ARFGEF3: variants seen among roughly 807,000 people sequenced by gnomAD.
ARFGEF3 encodes the protein brefeldin A-inhibited guanine nucleotide-exchange protein 3.
In ARFGEF3, 96 loss-of-function variants were observed where a neutral mutation model predicts 221.7. The ratio of observed to expected loss-of-function variants is 0.43; its 90% confidence interval spans 0.37 to 0.51. The LOEUF (loss-of-function observed/expected upper bound fraction) is 0.51. ARFGEF3 is among the 20% of genes least tolerant of loss of function. The pLI is 0.00. For missense variants in ARFGEF3, 2,410 were observed against 2,789.9 expected, an observed-to-expected ratio of 0.86 and a Z score of 3.07; for synonymous variants, 1,145 against 1,126.8, an observed-to-expected ratio of 1.02 and a Z score of -0.32.
At chr6:138,237,253 TG>T (rs566220252) in intron 5 of ARFGEF3, among the ~76,000 whole-genome samples, 166 of 152,310 alleles carry the variant, frequency 1.1e-3, no homozygotes, top group African/African-American at 3.5e-3. Context: ...AAATTAAATT[TG>T]CCATGTAGGT....
chr6:138,166,134 G>C (rs1410479819), intron 1 of ARFGEF3, among the ~76,000 whole-genome samples: 1 of 152,208 alleles, frequency 6.6e-6, no homozygotes, highest in Non-Finnish European at 1.5e-5. Context: ...TTAGCACAGG[G>C]ACTGCCGTTT....
At chr6:138,243,019 T>G (rs760899196) in intron 7 of ARFGEF3, 25 bp downstream of exon 7, 3 of 1,601,396 alleles carry the variant, frequency 1.9e-6, no homozygotes, top group Non-Finnish European at 2.6e-6. Flanking sequence ...TTGTACTAGT[T>G]CAGTTTTTAA....
At position 138,261,409 on chromosome 6, in the gene ARFGEF3, T is replaced by G. The variant is rs541901286; in HGVS notation, c.1105-118T>G. ...TGGAAGTTCCAAATAATTCTGTTTC[T>G]CCTTATACTATATCACTCAGTAGGG... On this transcript the variant is annotated intron_variant, in intron 10 of 33. Coordinates refer to ENST00000251691, the MANE Select transcript of ARFGEF3 (RefSeq NM_020340.5). 60 of 547,106 alleles carry G rather than the reference T, an allele frequency of 1.1e-4. No homozygotes were observed. In the Middle Eastern group the frequency reaches 1.4e-3, roughly 13 times the overall value. The allele number at this position is 547,106 out of a possible 1,614,324, so 33.9% of individuals were successfully genotyped here.
chr6:138,265,484 C>T (rs891175433), intron 12 of ARFGEF3, among the ~76,000 whole-genome samples: 8 of 152,026 alleles, frequency 5.3e-5, no homozygotes, highest in Admixed American at 3.3e-4. Flanking sequence ...ACAAAATTCA[C>T]GTTTTATTGG....
chr6:138,243,672 A>G (rs576454161), intron 7 of ARFGEF3, among the ~76,000 whole-genome samples: 3 of 152,094 alleles, frequency 2.0e-5, no homozygotes, highest in Non-Finnish European at 4.4e-5. Flanking sequence ...TTTCTATTAT[A>G]TGTGCCAGTT....
chr6:138,228,172 A>ATTTTTT (rs549915422), intron 4 of ARFGEF3, among the ~76,000 whole-genome samples: 5 of 106,434 alleles, frequency 4.7e-5, no homozygotes, highest in Non-Finnish European at 9.2e-5. Context: ...CACTGAGACA[A>ATTTTTT]TTTTTTTTTT....
rs1778622415 is a variant in ARFGEF3, at chr6:138,253,783, T to A, written c.666-97T>A. 8.6e-6 allele frequency: 8 copies of A among 929,774 alleles called. No individual in the cohort carries two copies. In the Admixed American group the frequency reaches 1.7e-4, roughly 20 times the overall value. The allele number at this position is 929,774 out of a possible 1,614,324, so 57.6% of individuals were successfully genotyped here. The stretch of plus-strand genomic sequence containing the variant: ...CGTCCCCCTAAAACTAGCACTTTAG[T>A]AACGCCTACCATTTTTCCGAGCGTG... On this transcript the variant is annotated intron_variant, in intron 8 of 33. Coordinates refer to ENST00000251691, the MANE Select transcript of ARFGEF3 (RefSeq NM_020340.5).
chr6:138,180,539 C>A (rs1174611330), intron 2 of ARFGEF3, among the ~76,000 whole-genome samples: 1 of 152,066 alleles, frequency 6.6e-6, no homozygotes, highest in Non-Finnish European at 1.5e-5. Flanking sequence ...ACAAATGTAA[C>A]TGAGTTTTGG....
In ARFGEF3 at chr6:138,314,058, A is replaced by G. The variant is rs1562389223; in HGVS notation, c.4345+119A>G. 4.5e-5 allele frequency: 47 copies of G among 1,051,236 alleles called. No homozygotes were observed. In the South Asian group the frequency reaches 7.1e-4, roughly 16 times the overall value. 65.1% of individuals were successfully genotyped at this position (1,051,236 alleles called of 1,614,324 possible). ...TTGTCTTAGTCCATTTTGTGCTGCT[A>G]TAAGAGAATACTTGAGAGTGATAAA... is the stretch of plus-strand genomic sequence containing the variant. On this transcript the variant is annotated intron_variant, in intron 26 of 33. Transcript: ENST00000251691.
rs1173623517 is a variant in ARFGEF3, at chr6:138,162,196, G to A, written c.85+25G>A. ...GGTAAGCGTCCGGCACCTGCTCGCC[G>A]CGGCGGGAGGGCCGCGCGGCCGGGG... On this transcript the variant is annotated intron_variant, in intron 1 of 33. Transcript: ENST00000251691. This position sits in a 1 kb window ranked among gnomAD's most constrained non-coding sequence, Gnocchi z 4.7. The A allele has an allele frequency of 6.4e-7, 1 of 1,572,486 alleles. No individual in the cohort carries two copies. The highest frequency in any genetic ancestry group is 8.7e-7 in the Non-Finnish European group (1 of 1,154,242).
At chr6:138,206,779 G>A (rs1777630947) in intron 2 of ARFGEF3, among the ~76,000 whole-genome samples, 1 of 152,196 alleles carries the variant, frequency 6.6e-6, no homozygotes, top group African/African-American at 2.4e-5. Flanking sequence ...GTGTACTAAT[G>A]AGTGTACCAG....
chr6:138,291,911 G>A lies in ARFGEF3; in HGVS notation c.3226G>A (p.Ala1076Thr), dbSNP rs1224049235. 5 of 1,488,434 alleles carry A rather than the reference G, an allele frequency of 3.4e-6. No individual in the cohort carries two copies. Among genetic ancestry groups the A allele is most frequent in the Middle Eastern group, 3.5e-4 (2 of 5,698 alleles). 92.2% of individuals were successfully genotyped at this position (1,488,434 alleles called of 1,614,324 possible). A position where few individuals can be genotyped will look rare whatever the true frequency, so the allele number is the denominator to read the frequency against. Residue 1076 changes from alanine to threonine, a missense_variant, in exon 19 of 34, where the codon GCC (alanine) becomes ACC (threonine). By Grantham distance (58) the Ala-to-Thr change is moderately conservative. Coordinates refer to ENST00000251691, the MANE Select transcript of ARFGEF3 (RefSeq NM_020340.5). This position sits in a 1 kb window ranked among gnomAD's most constrained non-coding sequence, Gnocchi z 4.5. ...SPEQGRSLST[A>T]PVVQPLSIQD... ...GGAGCAGGGGCGCTCCCTGAGCACG[G>A]CCCCTGTCGTCCAGCCCCTGTCCAT...
intron 2 of ARFGEF3, among the ~76,000 whole-genome samples, chr6:138,177,515 G>T (rs1175819593): frequency 1.3e-5 from 2 of 152,090 alleles, no homozygotes; most frequent in African/African-American, 4.8e-5. Context: ...GTATCTGGAG[G>T]ATCTGTCCAA....
chr6:138,239,178 G>A (rs545182567), intron 6 of ARFGEF3, among the ~76,000 whole-genome samples: 2 of 152,280 alleles, frequency 1.3e-5, no homozygotes, highest in Non-Finnish European at 2.9e-5. Flanking sequence ...AAATGTAAAC[G>A]TAATTGGCTC....
At chr6:138,335,364 GATCAGTATGTCATTA>G (rs1780304101) in intron 33 of ARFGEF3, among the ~76,000 whole-genome samples, 176 bp downstream of exon 33, 1 of 152,066 alleles carries the variant, frequency 6.6e-6, no homozygotes, top group South Asian at 2.1e-4. Context: ...GATCTCCCAG[GATCAGTATGTCATTA>G]TGAAGCTGGA....
intron 29 of ARFGEF3, 42 bp from the exon 30 acceptor site, chr6:138,323,629 C>CA: frequency 1.3e-6 from 2 of 1,572,982 alleles, no homozygotes; most frequent in Non-Finnish European, 1.7e-6. Flanking sequence ...CAAACAACAA[C>CA]AACAACAAAA....
intron 2 of ARFGEF3, among the ~76,000 whole-genome samples, chr6:138,173,442 T>G (rs1300269598): frequency 4.6e-5 from 7 of 151,996 alleles, no homozygotes; most frequent in Non-Finnish European, 1.0e-4. Flanking sequence ...TTTTCTGTGG[T>G]TCTGGGTTTG....
At chr6:138,269,882 T>C (rs1382774485) in intron 12 of ARFGEF3, among the ~76,000 whole-genome samples, 1 of 152,158 alleles carries the variant, frequency 6.6e-6, no homozygotes, top group Non-Finnish European at 1.5e-5. Context: ...AAATTGAGTC[T>C]GAGGTCTGAT....
chr6:138,293,290 A>G (rs1241967855), intron 19 of ARFGEF3, among the ~76,000 whole-genome samples: 1 of 152,144 alleles, frequency 6.6e-6, no homozygotes, highest in Non-Finnish European at 1.5e-5. Flanking sequence ...CAGATATTTG[A>G]TCTTTACCAT....
Sources: allele counts gnomAD v4.1 joint callset (sites outside exome capture counted in the v4.1 genomes callset), GRCh38; gene constraint gnomAD v4.1.1; non-coding constraint Gnocchi (gnomAD v3.1); transcripts MANE v1.5; gene names NCBI Gene and HGNC (gene_info 2026-07-23, HGNC 2026-07-21).